Variants in RMDN2 observed in about 807,000 individuals in gnomAD.
The protein encoded by RMDN2 is regulator of microtubule dynamics 2, also known as regulator of microtubule dynamics protein 2.
A neutral mutation model predicts 52.8 loss-of-function variants in RMDN2; 61 were observed. That is an observed-to-expected ratio of 1.16 (90% CI 0.94 to 1.43). RMDN2 has a LOEUF of 1.43. Among genes scored for constraint, RMDN2 ranks in the 40% most tolerant of loss-of-function variants. RMDN2 has a pLI of 0.00. For synonymous variants in RMDN2, 180 were observed against 153.1 expected, an observed-to-expected ratio of 1.18 and a Z score of -1.30; for missense variants, 592 against 475.3, an observed-to-expected ratio of 1.25 and a Z score of -2.28.
chr2:37,954,052 G>GT (rs1669161200), intron 2 of RMDN2, among the ~76,000 whole-genome samples: 1 of 151,582 alleles, frequency 6.6e-6, no homozygotes, highest in East Asian at 1.9e-4. Context: ...CAGGTTGTTT[G>GT]TTTTTTTGTT....
At chr2:38,049,665 T>C (rs540406080) in intron 10 of RMDN2, among the ~76,000 whole-genome samples, 112 of 152,262 alleles carry the variant, frequency 7.4e-4, no homozygotes, top group Admixed American at 2.1e-3. Context: ...CTCAAACTCA[T>C]GGGCTCAAGC....
intron 2 of RMDN2, among the ~76,000 whole-genome samples, chr2:37,960,508 A>C (rs898211721): frequency 6.6e-6 from 1 of 151,872 alleles, no homozygotes; most frequent in African/African-American, 2.4e-5. Context: ...ATATTCCTCC[A>C]TCCCATTATT....
chr2:37,936,073 C>G (rs146688031), intron 2 of RMDN2, among the ~76,000 whole-genome samples: 7 of 152,116 alleles, frequency 4.6e-5, no homozygotes, highest in African/African-American at 1.7e-4. Context: ...TGACAGTCCC[C>G]GGTGTGTGAT....
In RMDN2 at chr2:37,981,414, A is replaced by G; in HGVS notation, c.791+71A>G. ...CTTTATAAATTAAATGGATTTTTCA[A>G]AATACTATTGACTCATACGTTTAAT... On this transcript the variant is annotated intron_variant, in intron 5 of 10. Coordinates refer to ENST00000354545, the MANE Select transcript of RMDN2 (RefSeq NM_001170791.3). 25 of 1,004,418 alleles carry G rather than the reference A, an allele frequency of 2.5e-5. No homozygotes were observed. The South Asian group carries it at 3.2e-4, about 13-fold the overall frequency. 62.2% of individuals were successfully genotyped at this position (1,004,418 alleles called of 1,614,324 possible).
At chr2:37,936,736 G>T (rs1667323142) in intron 2 of RMDN2, among the ~76,000 whole-genome samples, 1 of 152,042 alleles carries the variant, frequency 6.6e-6, no homozygotes, top group African/African-American at 2.4e-5. Context: ...TTTTTGATGG[G>T]GTTGTTTGCT....
intron 2 of RMDN2, among the ~76,000 whole-genome samples, chr2:37,948,089 A>G (rs1307158311): frequency 1.3e-5 from 2 of 152,092 alleles, no homozygotes; most frequent in Admixed American, 1.3e-4. Context: ...GAACACAGCT[A>G]CTCAAATTGT....
Position 37,929,553 on chromosome 2 carries a change from A to G in RMDN2, c.276A>G (p.Glu92=). The change falls in exon 2 of 11, where the codon GAA becomes GAG. Residue 92 remains glutamate (E), a synonymous_variant. Coordinates refer to ENST00000354545, the MANE Select transcript of RMDN2 (RefSeq NM_001170791.3). ...LLTNMEELKE[E]IRFLKEAIPK... is the part of the protein sequence containing the mutation. ...CAAATATGGAAGAACTCAAAGAGGA[A>G]ATCAGATTTCTTAAAGAAGCTATTC... 6.4e-7 allele frequency: 1 copy of G among 1,551,898 alleles called. No homozygotes were observed. Among genetic ancestry groups the G allele is most frequent in the Non-Finnish European group, 8.7e-7 (1 of 1,147,004 alleles).
At chr2:37,983,360 A>G (rs1673582497) in intron 5 of RMDN2, among the ~76,000 whole-genome samples, 1 of 152,184 alleles carries the variant, frequency 6.6e-6, no homozygotes, top group African/African-American at 2.4e-5. Flanking sequence ...TCTGTCTTCC[A>G]CTAATCTGGT....
intron 10 of RMDN2, among the ~76,000 whole-genome samples, chr2:38,023,089 A>C (rs966044581): frequency 2.0e-5 from 3 of 152,210 alleles, no homozygotes; most frequent in African/African-American, 4.8e-5. Context: ...TCCTATATTA[A>C]CAATTTTAAA....
chr2:37,941,748 C>T (rs1372150426), intron 2 of RMDN2, among the ~76,000 whole-genome samples: 1 of 152,136 alleles, frequency 6.6e-6, no homozygotes, highest in Non-Finnish European at 1.5e-5. Context: ...CCTTCCCCAC[C>T]ATGCTGGAGC....
intron 2 of RMDN2, among the ~76,000 whole-genome samples, chr2:37,936,512 A>G (rs1439888853): frequency 6.6e-6 from 1 of 152,232 alleles, no homozygotes. Context: ...TCCCACCAAC[A>G]GTGTAAAGTG....
intron 10 of RMDN2, among the ~76,000 whole-genome samples, chr2:38,044,686 A>T (rs1405733357): frequency 6.6e-6 from 1 of 151,992 alleles, no homozygotes; most frequent in Non-Finnish European, 1.5e-5. Flanking sequence ...CTGATGAACT[A>T]TCAAAGAATT....
chr2:37,921,313 CAA>C (rs1666025830), upstream of RMDN2, among the ~76,000 whole-genome samples: 1 of 152,114 alleles, frequency 6.6e-6, no homozygotes, highest in African/African-American at 2.4e-5. Flanking sequence ...TTAGAAAGTC[CAA>C]GTTAGTTTCT....
At chr2:37,973,426 C>T (rs931705423) in intron 2 of RMDN2, among the ~76,000 whole-genome samples, 1 of 152,220 alleles carries the variant, frequency 6.6e-6, no homozygotes, top group Non-Finnish European at 1.5e-5. Context: ...GTGAATAGTG[C>T]TGTTCTAGGC....
intron 10 of RMDN2, among the ~76,000 whole-genome samples, chr2:38,062,273 C>T (rs1250067551): frequency 1.3e-5 from 2 of 152,228 alleles, no homozygotes; most frequent in Non-Finnish European, 2.9e-5. Context: ...TACTCTTCAT[C>T]ATGACACTTT....
Position 38,004,142 on chromosome 2 carries a change from A to G in RMDN2, c.1105A>G (p.Thr369Ala), listed in dbSNP as rs764868191. 5 of 1,613,578 alleles carry G rather than the reference A, an allele frequency of 3.1e-6. No individual in the cohort carries two copies. Among genetic ancestry groups the G allele is most frequent in the Non-Finnish European group, 4.2e-6 (5 of 1,179,598 alleles). Residue 369 changes from threonine (T) to alanine (A), a missense_variant, in exon 10 of 11, where the codon ACT (threonine) becomes GCT (alanine). Transcript: ENST00000354545. The part of the protein sequence containing the change: ...PNYMYLAKCY[T>A]DLEENQNALK... ...GGTTATTTCTCATTTCCAGTGTTAT[A>G]CTGATCTTGAGGAAAACCAGAATGC...
At chr2:38,053,696 A>G (rs931333019) in intron 10 of RMDN2, among the ~76,000 whole-genome samples, 4 of 152,214 alleles carry the variant, frequency 2.6e-5, no homozygotes, top group Admixed American at 2.0e-4. Flanking sequence ...AAGTTGAATT[A>G]ATTTTCACTA....
In RMDN2 at chr2:37,958,819, C is replaced by T. The variant is rs1321231231; in HGVS notation, c.453-15221C>T. Among the ~76,000 whole-genome samples, 2 of 150,748 alleles carry T rather than the reference C, an allele frequency of 1.3e-5. 1 individual carries two copies. Among genetic ancestry groups the T allele is most frequent in the African/African-American group, 5.0e-5 (2 of 40,124 alleles). On this transcript the variant is annotated intron_variant, in intron 2 of 10. Transcript: ENST00000354545. The stretch of plus-strand genomic sequence containing the variant: ...TATTTTCAGAGATGTTCCCTCAATA[C>T]CTAGTTTATTGAGTGTTTTTAGCAT...
intron 10 of RMDN2, among the ~76,000 whole-genome samples, chr2:38,058,961 C>T (rs1294450222): frequency 6.6e-6 from 1 of 152,102 alleles, no homozygotes; most frequent in Non-Finnish European, 1.5e-5. Flanking sequence ...CTGAATCCTC[C>T]CTGAGTATTT....
Sources: allele counts gnomAD v4.1 joint callset (sites outside exome capture counted in the v4.1 genomes callset), GRCh38; gene constraint gnomAD v4.1.1; transcripts MANE v1.5; gene names NCBI Gene and HGNC (gene_info 2026-07-23, HGNC 2026-07-21).